HDX: variants seen among roughly 807,000 people sequenced by gnomAD.
The protein encoded by HDX is chromosome X open reading frame 43.
Under a neutral mutation model 45.2 loss-of-function variants are expected in HDX, and 19 were observed. That is an observed-to-expected ratio of 0.42 (90% CI 0.29 to 0.62). The LOEUF (loss-of-function observed/expected upper bound fraction) is 0.62, where lower values mean the gene tolerates loss of function less well. Ranked by LOEUF, HDX falls within the 20% of genes least tolerant of loss-of-function variation. HDX has a pLI of 0.20. For synonymous variants in HDX, 188 were observed against 172.8 expected (o/e 1.09, Z -0.69); for missense variants, 532 against 493.9 (o/e 1.08, Z -0.73).
At chrX:84,442,098 G>A (rs2039772683) in intron 4 of HDX, among the ~76,000 whole-genome samples, 1 of 111,005 alleles carries the variant, frequency 9.0e-6, no homozygotes, top group African/African-American at 3.3e-5. Flanking sequence ...CTTTATCATA[G>A]GACACACAAG....
At chrX:84,361,399 A>G in intron 6 of HDX, 67 bp downstream of exon 6, 1 of 1,012,306 alleles carries the variant, frequency 9.9e-7, no homozygotes, top group Non-Finnish European at 1.4e-6. Context: ...CACCTCATGT[A>G]AGATTTTAAA....
Position 84,448,927 on chromosome X carries a change from ATGT to A in HDX, c.1252-8345_1252-8343del, listed in dbSNP as rs1270906803. On this transcript the variant is annotated intron_variant, in intron 4 of 10. Transcript: ENST00000373177. ...AAACAATTCAGGATATGAAAGAGAA[ATGT>A]ACTAAAAAGATAGATATCATTTAAA... Among the ~76,000 whole-genome samples, 2 of 110,120 alleles carry A rather than the reference ATGT, an allele frequency of 1.8e-5. 1 individual carries two copies. The highest frequency in any genetic ancestry group is 8.5e-3 in the Middle Eastern group (2 of 236).
intron 5 of HDX, among the ~76,000 whole-genome samples, chrX:84,374,083 AC>A (rs1483829942): frequency 9.0e-6 from 1 of 110,737 alleles, no homozygotes; most frequent in African/African-American, 3.3e-5. Flanking sequence ...AAATCAATGT[AC>A]AAAAATCACA....
At chrX:84,491,285 A>T (rs1046131356) in intron 1 of HDX, among the ~76,000 whole-genome samples, 1 of 111,621 alleles carries the variant, frequency 9.0e-6, no homozygotes, top group African/African-American at 3.3e-5. Context: ...AAAGTTCACT[A>T]TATTTTTTCT....
intron 5 of HDX, chrX:84,440,220 T>C (rs1460664083): frequency 1.8e-5 from 3 of 169,031 alleles, no homozygotes; most frequent in Non-Finnish European, 3.3e-5. Flanking sequence ...ATATAAATTA[T>C]AATTCAATTG....
At chrX:84,391,639 C>T (rs2038445733) in intron 5 of HDX, among the ~76,000 whole-genome samples, 1 of 111,400 alleles carries the variant, frequency 9.0e-6, no homozygotes, top group South Asian at 3.7e-4. Flanking sequence ...GGATAAAAGC[C>T]ATTTCAACTG....
intron 5 of HDX, among the ~76,000 whole-genome samples, chrX:84,376,035 C>G (rs2038048069): frequency 8.9e-6 from 1 of 112,313 alleles, no homozygotes; most frequent in African/African-American, 3.2e-5. Flanking sequence ...GATCATCCCC[C>G]TAAAAGGACA....
At chrX:84,481,421 A>G (rs2040677580) in intron 2 of HDX, among the ~76,000 whole-genome samples, 1 of 111,532 alleles carries the variant, frequency 9.0e-6, no homozygotes, top group Admixed American at 9.6e-5. Context: ...TATTTATCAC[A>G]GGAGACATGG....
intron 5 of HDX, among the ~76,000 whole-genome samples, chrX:84,363,571 C>G (rs768060415): frequency 1.8e-5 from 2 of 111,860 alleles, no homozygotes; most frequent in Non-Finnish European, 3.8e-5. Flanking sequence ...GGTCTTAGCA[C>G]TAGCAATGCT....
At chrX:84,337,016 A>T (rs1391525958) in intron 7 of HDX, 136 bp from the exon 8 acceptor site, 16 of 443,805 alleles carry the variant, frequency 3.6e-5, no homozygotes, top group Non-Finnish European at 4.1e-5. Flanking sequence ...TTTGATGAGC[A>T]ATTCTACTTC....
At chrX:84,414,825 C>G (rs922576916) in intron 5 of HDX, among the ~76,000 whole-genome samples, 2 of 112,017 alleles carry the variant, frequency 1.8e-5, no homozygotes, top group Admixed American at 9.5e-5. Flanking sequence ...CCCTACCTAA[C>G]TCTCCACATT....
intron 4 of HDX, among the ~76,000 whole-genome samples, chrX:84,462,921 C>G (rs753687404): frequency 4.5e-5 from 5 of 110,977 alleles, no homozygotes; most frequent in African/African-American, 1.3e-4. Flanking sequence ...AGAAGCCAGT[C>G]TCAAATGGCC....
chrX:84,428,599 C>A, intron 5 of HDX, among the ~76,000 whole-genome samples: 1 of 111,127 alleles, frequency 9.0e-6, no homozygotes, highest in South Asian at 3.7e-4. Context: ...CATGATGCAA[C>A]ATGTGTCAGT....
chrX:84,412,642 G>A (rs1321992011), intron 5 of HDX, among the ~76,000 whole-genome samples: 2 of 110,822 alleles, frequency 1.8e-5, no homozygotes, highest in Admixed American at 9.7e-5. Flanking sequence ...TGATGACTGC[G>A]TGTCTTTGGG....
intron 5 of HDX, among the ~76,000 whole-genome samples, chrX:84,374,067 G>T (rs1238693438): frequency 9.1e-6 from 1 of 110,234 alleles, no homozygotes; most frequent in African/African-American, 3.3e-5. Flanking sequence ...AAAGTCTCAG[G>T]ATACAAAATC....
At chrX:84,341,213 T>C (rs2037077751) in intron 7 of HDX, among the ~76,000 whole-genome samples, 1 of 110,882 alleles carries the variant, frequency 9.0e-6, no homozygotes, top group South Asian at 3.8e-4. Context: ...ACACCAGTCA[T>C]GAGTCACTGG....
intron 4 of HDX, among the ~76,000 whole-genome samples, chrX:84,452,264 C>T (rs1392111433): frequency 1.8e-5 from 2 of 110,567 alleles, no homozygotes; most frequent in Non-Finnish European, 3.8e-5. Flanking sequence ...TAGGAAAAAC[C>T]GGAAAATCCA....
At chrX:84,489,433 G>T (rs2040853544) in intron 1 of HDX, among the ~76,000 whole-genome samples, 1 of 111,798 alleles carries the variant, frequency 8.9e-6, no homozygotes, top group South Asian at 3.7e-4. Context: ...CACAGAGCAA[G>T]CGGGGTTTTG....
chrX:84,417,552 G>C (rs1248030096), intron 5 of HDX, among the ~76,000 whole-genome samples: 3 of 112,517 alleles, frequency 2.7e-5, no homozygotes, highest in African/African-American at 9.7e-5. Context: ...TCCCTGAAGG[G>C]ATGGCTTCTG....
Sources: gnomAD v4.1 joint callset for allele counts (sites outside exome capture counted in the v4.1 genomes callset) on GRCh38, gnomAD v4.1.1 for gene constraint, MANE v1.5 for transcripts, NCBI Gene and HGNC (gene_info 2026-07-23, HGNC 2026-07-21) for gene names.